The following PCDHGA11 variants were observed in gnomAD, a reference collection of about 807,000 sequenced individuals.
PCDHGA11 encodes protocadherin gamma-A11.
Under a neutral mutation model 60.4 loss-of-function variants are expected in PCDHGA11, and 39 were observed. The observed-to-expected ratio is 0.65, with a 90% CI of 0.50 to 0.84. The LOEUF is 0.84. Among genes scored for constraint, PCDHGA11 ranks in the 40% least tolerant of loss-of-function variants. The probability of loss-of-function intolerance (pLI) is 0.00; values close to 1 mark genes in which losing one functional copy is unlikely to be tolerated. For missense variants in PCDHGA11, 1,165 were observed against 1,197.7 expected (o/e 0.97, Z 0.40); for synonymous variants, 533 against 510.3 (o/e 1.04, Z -0.60).
intron 1 of PCDHGA11, chr5:141,433,087 A>G (rs769187557): frequency 6.2e-7 from 1 of 1,614,206 alleles, no homozygotes. Context: ...CCAACTATGC[A>G]GACATGCTCG....
intron 1 of PCDHGA11, among the ~76,000 whole-genome samples, chr5:141,471,076 T>C (rs1463083616): frequency 1.5e-5 from 2 of 136,094 alleles, no homozygotes; most frequent in Non-Finnish European, 3.1e-5. Context: ...TGAGACAGGG[T>C]CTCCCTCTGT....
chr5:141,486,578 C>A lies in PCDHGA11; in HGVS notation c.2434-8229C>A, dbSNP rs780578882. 5 of 1,613,610 alleles carry A rather than the reference C, an allele frequency of 3.1e-6. No homozygotes were observed. In the Admixed American group the frequency reaches 6.7e-5, roughly 22 times the overall value. On this transcript the variant is annotated intron_variant, in intron 1 of 3. Coordinates refer to ENST00000398587, the MANE Select transcript of PCDHGA11 (RefSeq NM_018914.3). The surrounding 1 kb of genome is among the most constrained non-coding windows in gnomAD (Gnocchi z 5.0). Reference sequence around the variant, plus strand: ...TGAGGTGTTTGTTCCTGAGAACAATCGCCCAGGGGACCTGCTTTGCTCCCT... The same window carrying A: ...TGAGGTGTTTGTTCCTGAGAACAATAGCCCAGGGGACCTGCTTTGCTCCCT...
chr5:141,421,149 C>T lies in PCDHGA11; in HGVS notation c.-79C>T, dbSNP rs1030911066. ...TCTGATATATTTTGGATGTAGTCGG[C>T]CTAGGACTTCATAGATACATAAGCC... On this transcript the variant is annotated 5_prime_UTR_variant, in exon 1 of 4. Transcript: ENST00000398587. 1 of 1,086,106 alleles carries T rather than the reference C, an allele frequency of 9.2e-7. No homozygotes were observed. The highest frequency in any genetic ancestry group is 1.3e-6 in the Non-Finnish European group (1 of 774,340). The allele number at this position is 1,086,106 out of a possible 1,614,324, so 67.3% of individuals were successfully genotyped here. A position where few individuals can be genotyped will look rare whatever the true frequency, so the allele number is the denominator to read the frequency against.
intron 1 of PCDHGA11, chr5:141,426,833 G>T: frequency 2.2e-6 from 1 of 456,680 alleles, no homozygotes; most frequent in Non-Finnish European, 4.4e-6. Flanking sequence ...TGATGGACAA[G>T]ACTAAAGGCA....
In PCDHGA11 at chr5:141,486,403, T is replaced by C; in HGVS notation, c.2434-8404T>C. ...GGAACCAGTTCTCCCTGGTGACTGC[T>C]GGACCCTTGGATCGAGAGGCCAAAT... On this transcript the variant is annotated intron_variant, in intron 1 of 3. Coordinates refer to ENST00000398587, the MANE Select transcript of PCDHGA11 (RefSeq NM_018914.3). This position sits in a 1 kb window ranked among gnomAD's most constrained non-coding sequence, Gnocchi z 5.0. The C allele has an allele frequency of 6.2e-7, 1 of 1,614,212 alleles. No individual in the cohort carries two copies. Among genetic ancestry groups the C allele is most frequent in the Non-Finnish European group, 8.5e-7 (1 of 1,180,034 alleles).
chr5:141,458,990 C>T (rs2098958778), intron 1 of PCDHGA11, among the ~76,000 whole-genome samples: 1 of 152,212 alleles, frequency 6.6e-6, no homozygotes, highest in Non-Finnish European at 1.5e-5. Context: ...GCCTCACCCT[C>T]CCAAAGTGCT....
rs200492485 is a variant in PCDHGA11, at chr5:141,423,323, C to A, written c.2096C>A (p.Ala699Asp). The A allele has an allele frequency of 5.6e-5, 91 of 1,614,146 alleles. No homozygotes were observed. The highest frequency in any genetic ancestry group is 4.2e-6 in the Non-Finnish European group (5 of 1,180,016). ...TCGCTGTACTTGGTGGTGGCGGTGGCCGCAGTCTCCTGCATCTTCCTGGTC... is the reference window on the plus strand; with the variant it reads ...TCGCTGTACTTGGTGGTGGCGGTGGACGCAGTCTCCTGCATCTTCCTGGTC... ...DLSLYLVVAV[A>D]AVSCIFLVFV... The change falls in exon 1 of 4, where the codon GCC becomes GAC. Residue 699 changes from alanine to aspartate, a missense_variant. Transcript: ENST00000398587.
Position 141,504,677 on chromosome 5 carries a change from T to C in PCDHGA11, c.2493-716T>C, listed in dbSNP as rs552242248. 4.7e-5 allele frequency among the ~76,000 whole-genome samples: 7 copies of C among 147,580 alleles called. No homozygotes were observed. In the East Asian group the frequency reaches 1.5e-3, roughly 31 times the overall value. ...TTTGAGGGCGGGGGGTGGGGGTTCT[T>C]GTAAAATAGGAGGGGCAGGTTCTTC... On this transcript the variant is annotated intron_variant, in intron 2 of 3. Transcript: ENST00000398587.
rs2099694919 is a variant in PCDHGA11, at chr5:141,490,016, C to T, written c.2434-4791C>T. The T allele has an allele frequency of 6.2e-7, 1 of 1,614,158 alleles. No individual in the cohort carries two copies. The highest frequency in any genetic ancestry group is 8.5e-7 in the Non-Finnish European group (1 of 1,180,060). On this transcript the variant is annotated intron_variant, in intron 1 of 3. Transcript: ENST00000398587. This position sits in a 1 kb window ranked among gnomAD's most constrained non-coding sequence, Gnocchi z 5.4. ...ATCCCAGAGAATGCACCCATTGGTACTCTGCTGCTCCGCCTCAATGCCACT... is the reference window on the plus strand; with the variant it reads ...ATCCCAGAGAATGCACCCATTGGTATTCTGCTGCTCCGCCTCAATGCCACT...
At chr5:141,510,534 C>T (rs1187165551) in intron 3 of PCDHGA11, among the ~76,000 whole-genome samples, 2 of 152,126 alleles carry the variant, frequency 1.3e-5, no homozygotes, top group African/African-American at 2.4e-5. Context: ...AGAGAAATAC[C>T]AGCGAATGTG....
At chr5:141,434,807 A>G (rs2097718601) in intron 1 of PCDHGA11, among the ~76,000 whole-genome samples, 1 of 152,016 alleles carries the variant, frequency 6.6e-6, no homozygotes, top group South Asian at 2.1e-4. Context: ...AGCTTGGAGA[A>G]ATATATCCCT....
Position 141,432,236 on chromosome 5 carries a change from G to A in PCDHGA11, c.2433+8576G>A, listed in dbSNP as rs752735346. On this transcript the variant is annotated intron_variant, in intron 1 of 3. Coordinates refer to ENST00000398587, the MANE Select transcript of PCDHGA11 (RefSeq NM_018914.3). This position sits in a 1 kb window ranked among gnomAD's most constrained non-coding sequence, Gnocchi z 6.0. ...CGCCCAGATCACTTATTCCCTGGCT[G>A]AGAACACCATCCAAGGGGCAAGCCT... is the stretch of plus-strand genomic sequence containing the variant. The A allele has an allele frequency of 8.7e-6, 14 of 1,614,130 alleles. No individual in the cohort carries two copies. The African/African-American group carries it at 9.3e-5, about 11-fold the overall frequency.
intron 1 of PCDHGA11, among the ~76,000 whole-genome samples, chr5:141,467,475 T>C (rs2099144764): frequency 6.6e-6 from 1 of 152,248 alleles, no homozygotes; most frequent in Non-Finnish European, 1.5e-5. Flanking sequence ...GCATGGTTTT[T>C]GGTTTCCACA....
intron 1 of PCDHGA11, among the ~76,000 whole-genome samples, chr5:141,434,630 A>G (rs2097706465): frequency 6.6e-6 from 1 of 152,106 alleles, no homozygotes; most frequent in African/African-American, 2.4e-5. Flanking sequence ...CGTTTCCCAT[A>G]AGGGATACTT....
At chr5:141,452,854 A>G (rs137963870) in intron 1 of PCDHGA11, among the ~76,000 whole-genome samples, 109 of 152,264 alleles carry the variant, frequency 7.2e-4, no homozygotes, top group African/African-American at 2.5e-3. Flanking sequence ...CTCTGGGGAG[A>G]TGATTTTCTA....
rs1207647899 is a variant in PCDHGA11, at chr5:141,491,938, C to T, written c.2434-2869C>T. The T allele has an allele frequency of 1.6e-5, 19 of 1,199,190 alleles. No homozygotes were observed. Among genetic ancestry groups the T allele is most frequent in the Non-Finnish European group, 2.1e-5 (18 of 875,372 alleles). 74.3% of individuals were successfully genotyped at this position (1,199,190 alleles called of 1,614,324 possible). ...TGTGGGCGAGGGGAGGTGGGACCGA[C>T]CCCCACCCCTACACTCAAAAAAGGC... is the stretch of plus-strand genomic sequence containing the variant. On this transcript the variant is annotated intron_variant, in intron 1 of 3. Coordinates refer to ENST00000398587, the MANE Select transcript of PCDHGA11 (RefSeq NM_018914.3). This position sits in a 1 kb window ranked among gnomAD's most constrained non-coding sequence, Gnocchi z 6.9.
rs752402965 is a variant in PCDHGA11, at chr5:141,491,400, C to G, written c.2434-3407C>G. The G allele has an allele frequency of 2.7e-5, 44 of 1,613,990 alleles. No individual in the cohort carries two copies. The highest frequency in any genetic ancestry group is 3.5e-5 in the Non-Finnish European group (41 of 1,179,996). On this transcript the variant is annotated intron_variant, in intron 1 of 3. Coordinates refer to ENST00000398587, the MANE Select transcript of PCDHGA11 (RefSeq NM_018914.3). The surrounding 1 kb of genome is among the most constrained non-coding windows in gnomAD (Gnocchi z 6.9). ...TGTCAGCGAAGTGCCTTCAGGGAAA[C>G]GCAGACGGGGACGGGGGTGGAGGGC... is the stretch of plus-strand genomic sequence containing the variant.
intron 1 of PCDHGA11, among the ~76,000 whole-genome samples, chr5:141,449,345 T>C (rs2154562594): frequency 1.3e-5 from 2 of 151,644 alleles, no homozygotes; most frequent in South Asian, 4.2e-4. Context: ...AGTGGCTCAC[T>C]CCTGTAATCC....
At chr5:141,428,290 C>A in intron 1 of PCDHGA11, 1 of 726,802 alleles carries the variant, frequency 1.4e-6, no homozygotes, top group Non-Finnish European at 2.4e-6. Context: ...CCAAGCAAAG[C>A]TGCAGATTTA....
Sources: gnomAD v4.1 joint callset for allele counts (sites outside exome capture counted in the v4.1 genomes callset) on GRCh38, gnomAD v4.1.1 for gene constraint, Gnocchi (gnomAD v3.1) non-coding constraint, MANE v1.5 for transcripts, NCBI Gene and HGNC (gene_info 2026-07-23, HGNC 2026-07-21) for gene names.